Variants in LRRC69 observed in about 807,000 individuals in gnomAD.
LRRC69 encodes the protein leucine rich repeat containing 69, also known as leucine-rich repeat-containing protein 69.
Under a neutral mutation model 37.8 loss-of-function variants are expected in LRRC69, and 42 were observed. The observed-to-expected ratio is 1.11, with a 90% confidence interval of 0.87 to 1.44. LRRC69 has a LOEUF of 1.44. Among genes scored for constraint, LRRC69 ranks in the 40% most tolerant of loss-of-function variants. The probability of loss-of-function intolerance (pLI) is 0.00; values close to 1 mark genes in which losing one functional copy is unlikely to be tolerated. For synonymous variants in LRRC69, 141 were observed against 143.1 expected, an observed-to-expected ratio of 0.99 and a Z score of 0.11; for missense variants, 357 against 401.9, an observed-to-expected ratio of 0.89 and a Z score of 0.96.
At chr8:91,149,397 A>C (rs1178502264) in intron 5 of LRRC69, among the ~76,000 whole-genome samples, 1 of 151,922 alleles carries the variant, frequency 6.6e-6, no homozygotes, top group African/African-American at 2.4e-5. Context: ...GTGGTTGTAC[A>C]TATGCGGCAT....
At chr8:91,115,142 T>A (rs926832919) in intron 1 of LRRC69, among the ~76,000 whole-genome samples, 1 of 151,988 alleles carries the variant, frequency 6.6e-6, no homozygotes. Context: ...GTGACTATAG[T>A]TAATATTGTA....
chr8:91,147,694 A>T (rs1808647253), intron 5 of LRRC69, among the ~76,000 whole-genome samples: 1 of 151,766 alleles, frequency 6.6e-6, no homozygotes, highest in South Asian at 2.1e-4. Flanking sequence ...TCATTTTACT[A>T]TTCCTATTTT....
At chr8:91,120,945 G>A (rs564866305) in intron 1 of LRRC69, among the ~76,000 whole-genome samples, 1 of 152,024 alleles carries the variant, frequency 6.6e-6, no homozygotes, top group South Asian at 2.1e-4. Flanking sequence ...AGATCTAAAA[G>A]GCTTCTTAAT....
rs367719341 is a variant in LRRC69, at chr8:91,190,195, G to A, written c.753+572G>A. Among the ~76,000 whole-genome samples, 3 of 151,718 alleles carry A rather than the reference G, an allele frequency of 2.0e-5. No individual in the cohort carries two copies. In the East Asian group the frequency reaches 5.8e-4, roughly 29 times the overall value. On this transcript the variant is annotated intron_variant, in intron 6 of 7. Coordinates refer to ENST00000448384, the Ensembl canonical transcript of LRRC69. ...TAGCTAATGTGCAGGATTGTCATAA[G>A]ACTTTTAGGATTTGTATGGGATCAA...
At chr8:91,157,568 A>G in intron 5 of LRRC69, 1 of 1,530,126 alleles carries the variant, frequency 6.5e-7, no homozygotes, top group Non-Finnish European at 9.0e-7. Context: ...CTGGAAGATA[A>G]TATCAGAATG....
At chr8:91,133,330 A>G in intron 4 of LRRC69, 25 bp downstream of exon 4, 1 of 1,470,160 alleles carries the variant, frequency 6.8e-7, no homozygotes, top group South Asian at 1.4e-5. Flanking sequence ...GAACCACAGT[A>G]GTTTGCTGTT....
chr8:91,133,440 C>T, intron 4 of LRRC69, 135 bp downstream of exon 4: 1 of 579,070 alleles, frequency 1.7e-6, no homozygotes, highest in Non-Finnish European at 2.8e-6. Flanking sequence ...GTAGTCAGTT[C>T]CCAAATCCCT....
chr8:91,141,508 A>G (rs1808532831), intron 5 of LRRC69, among the ~76,000 whole-genome samples: 1 of 152,168 alleles, frequency 6.6e-6, no homozygotes, highest in South Asian at 2.1e-4. Context: ...GGCAATTGAT[A>G]TAAACCTCCT....
chr8:91,176,404 C>A (rs1809231008), intron 5 of LRRC69, among the ~76,000 whole-genome samples: 1 of 151,936 alleles, frequency 6.6e-6, no homozygotes, highest in Non-Finnish European at 1.5e-5. Context: ...CTAGGCCTCC[C>A]AAAGTGCTGG....
intron 7 of LRRC69, among the ~76,000 whole-genome samples, chr8:91,217,167 T>C (rs1340740875): frequency 6.6e-6 from 1 of 152,148 alleles, no homozygotes; most frequent in African/African-American, 2.4e-5. Context: ...AGGCAGGGAT[T>C]GTTTGCTGTA....
At chr8:91,178,863 C>G (rs1204552154) in intron 5 of LRRC69, among the ~76,000 whole-genome samples, 1 of 152,168 alleles carries the variant, frequency 6.6e-6, no homozygotes, top group Non-Finnish European at 1.5e-5. Flanking sequence ...GGGGCCATGG[C>G]AGTTTCATTC....
intron 5 of LRRC69, among the ~76,000 whole-genome samples, chr8:91,174,457 C>G (rs1050935874): frequency 6.6e-6 from 1 of 152,184 alleles, no homozygotes; most frequent in Non-Finnish European, 1.5e-5. Context: ...GTATGGAAAC[C>G]AAGCCATAAG....
At chr8:91,207,750 T>G (rs1207049093) in intron 7 of LRRC69, among the ~76,000 whole-genome samples, 1 of 152,160 alleles carries the variant, frequency 6.6e-6, no homozygotes, top group African/African-American at 2.4e-5. Context: ...AGGTGAGGTA[T>G]GAGAGATGAA....
intron 5 of LRRC69, chr8:91,138,880 C>T (rs918370993): frequency 6.6e-6 from 1 of 151,438 alleles, no homozygotes; most frequent in African/African-American, 2.4e-5. Flanking sequence ...CATGGTGAAA[C>T]CCCTATCTCT....
intron 1 of LRRC69, 44 bp downstream of exon 1, chr8:91,102,888 G>C (rs756936847): frequency 1.3e-6 from 2 of 1,490,622 alleles, no homozygotes; most frequent in South Asian, 2.7e-5. Context: ...ATTGAAGATG[G>C]AAAACAGGAA....
chr8:91,215,266 A>G (rs534918238), intron 7 of LRRC69, among the ~76,000 whole-genome samples: 12 of 152,250 alleles, frequency 7.9e-5, no homozygotes, highest in Non-Finnish European at 1.5e-4. Context: ...TCCTGAGAAA[A>G]CAGGAAACCA....
intron 5 of LRRC69, among the ~76,000 whole-genome samples, chr8:91,156,195 C>T (rs1335438118): frequency 6.6e-6 from 1 of 150,860 alleles, no homozygotes. Context: ...TGTGTTCTCA[C>T]CAGCATTTAT....
At chr8:91,158,438 A>C in intron 5 of LRRC69, 2 of 1,334,582 alleles carry the variant, frequency 1.5e-6, no homozygotes. Context: ...CATAGAAAGC[A>C]ATAAAATGCA....
intron 6 of LRRC69, among the ~76,000 whole-genome samples, chr8:91,190,096 A>G (rs952549793): frequency 1.3e-5 from 2 of 152,196 alleles, no homozygotes; most frequent in Non-Finnish European, 2.9e-5. Flanking sequence ...GACAAGTCAG[A>G]GATCACAGGT....
Sources: allele counts gnomAD v4.1 joint callset (sites outside exome capture counted in the v4.1 genomes callset), GRCh38; gene constraint gnomAD v4.1.1; transcripts MANE v1.5; gene names NCBI Gene and HGNC (gene_info 2026-07-23, HGNC 2026-07-21).